Variants in SHROOM3 observed in about 807,000 individuals in gnomAD.
SHROOM3 encodes protein Shroom3.
Under a neutral mutation model 138.6 loss-of-function variants are expected in SHROOM3, and 47 were observed. The ratio of observed to expected loss-of-function variants is 0.34; its 90% CI spans 0.27 to 0.43. The LOEUF is 0.43. SHROOM3 is among the 20% of genes least tolerant of loss of function. The probability of loss-of-function intolerance (pLI) is 1.00; values close to 1 mark genes in which losing one functional copy is unlikely to be tolerated. For missense variants in SHROOM3, 2,491 were observed against 2,596.5 expected (o/e 0.96, Z 0.88); for synonymous variants, 1,062 against 1,063.3 (o/e 1.00, Z 0.02).
chr4:76,594,956 A>G (rs921767006), intron 2 of SHROOM3, among the ~76,000 whole-genome samples: 4 of 152,244 alleles, frequency 2.6e-5, no homozygotes, highest in African/African-American at 7.2e-5. Context: ...ATCCAACTAT[A>G]GGAAGCCAGG....
intron 9 of SHROOM3, among the ~76,000 whole-genome samples, chr4:76,760,166 T>C (rs888649708): frequency 1.3e-5 from 2 of 152,216 alleles, no homozygotes; most frequent in Non-Finnish European, 2.9e-5. Flanking sequence ...GAAAAAGTAA[T>C]ATTAACCTTT....
rs1722755246 is a variant in SHROOM3, at chr4:76,782,363, G to A, written c.*3186G>A. The stretch of plus-strand genomic sequence containing the variant: ...GTGGCTGTCTTTTAAGGTGAGGAGT[G>A]TGGGCTTAACTGAGGTCCTTTGAGG... On this transcript the variant is annotated 3_prime_UTR_variant, in exon 11 of 11. Transcript: ENST00000296043. 6.6e-6 allele frequency: 1 copy of A among 152,218 alleles called. No individual in the cohort carries two copies. The highest frequency in any genetic ancestry group is 6.5e-5 in the Admixed American group (1 of 15,282). 9.4% of individuals were successfully genotyped at this position (152,218 alleles called of 1,614,324 possible).
Position 76,740,120 on chromosome 4 carries a change from G to C in SHROOM3, c.1947G>C (p.Gln649His). The change falls in exon 5 of 11, where the codon CAG (glutamine) becomes CAC (histidine). Residue 649 changes from glutamine (Q) to histidine (H), a missense_variant. Physicochemically the swap from Gln to His is conservative, Grantham distance 24. This residue lies in a region of SHROOM3 where 1,733 missense variants were observed against 1,661.6 expected (regional missense o/e 1.04). Coordinates refer to ENST00000296043, the MANE Select transcript of SHROOM3 (RefSeq NM_020859.4). The surrounding 1 kb of genome is among the most constrained non-coding windows in gnomAD (Gnocchi z 4.0). ...WRRLEREGLGQSLSGNFGKTK... is the reference protein window; with the variant it reads ...WRRLEREGLGHSLSGNFGKTK... ...GGCTGGAGAGAGAAGGCCTAGGCCA[G>C]AGCCTGTCAGGCAACTTTGGCAAGA... is the stretch of plus-strand genomic sequence containing the variant. 1 of 1,613,800 alleles carries C rather than the reference G, an allele frequency of 6.2e-7. No homozygotes were observed. The highest frequency in any genetic ancestry group is 1.1e-5 in the South Asian group (1 of 91,086).
rs757874741 is a variant in SHROOM3, at chr4:76,742,003, C to T, written c.3753+77C>T. ...GCTTTAGTGGGGCTCCCCAACCCCC[C>T]ACACTCTCACCCGCTCTCCCAGTTC... On this transcript the variant is annotated intron_variant, in intron 5 of 10. Coordinates refer to ENST00000296043, the MANE Select transcript of SHROOM3 (RefSeq NM_020859.4). 5 of 1,535,508 alleles carry T rather than the reference C, an allele frequency of 3.3e-6. No homozygotes were observed. In the African/African-American group the frequency reaches 4.1e-5, roughly 13 times the overall value.
intron 2 of SHROOM3, among the ~76,000 whole-genome samples, chr4:76,699,020 T>C (rs1205829892): frequency 6.6e-6 from 1 of 152,196 alleles, no homozygotes; most frequent in Non-Finnish European, 1.5e-5. Context: ...CATGGTGACT[T>C]TCCACATCCA....
At chr4:76,633,296 G>A (rs1226233985) in intron 2 of SHROOM3, among the ~76,000 whole-genome samples, 1 of 135,386 alleles carries the variant, frequency 7.4e-6, no homozygotes, top group African/African-American at 2.8e-5. Flanking sequence ...GAGGGACACT[G>A]CACTCCAGCC....
intron 2 of SHROOM3, among the ~76,000 whole-genome samples, chr4:76,564,349 A>C (rs1354703643): frequency 6.6e-6 from 1 of 152,218 alleles, no homozygotes. Context: ...AGGCAGCTGC[A>C]GTGGCCTCTG....
intron 1 of SHROOM3, among the ~76,000 whole-genome samples, chr4:76,463,942 G>A (rs935576428): frequency 6.6e-6 from 1 of 152,250 alleles, no homozygotes. Flanking sequence ...CAGGGGCGGA[G>A]CCCTTATGGA....
chr4:76,734,733 C>A (rs190661785), intron 4 of SHROOM3, among the ~76,000 whole-genome samples: 1 of 152,158 alleles, frequency 6.6e-6, no homozygotes, highest in Non-Finnish European at 1.5e-5. Context: ...TATAAAAATA[C>A]ATACATCTAC....
At chr4:76,509,194 TA>T (rs1157587020) in intron 1 of SHROOM3, 8 of 151,930 alleles carry the variant, frequency 5.3e-5, no homozygotes, top group African/African-American at 1.9e-4. Flanking sequence ...GAAGCTATTA[TA>T]AATGGAATTT....
chr4:76,751,812 C>A (rs1002347090), intron 6 of SHROOM3, among the ~76,000 whole-genome samples: 1 of 152,250 alleles, frequency 6.6e-6, no homozygotes, highest in East Asian at 1.9e-4. Context: ...GAAAAACAAC[C>A]AGTGTTGGTG....
At chr4:76,446,579 A>G (rs566060476) in intron 1 of SHROOM3, among the ~76,000 whole-genome samples, 2 of 152,178 alleles carry the variant, frequency 1.3e-5, no homozygotes, top group Non-Finnish European at 2.9e-5. Context: ...AGGCCATGAA[A>G]AAACCTCAAC....
intron 2 of SHROOM3, among the ~76,000 whole-genome samples, chr4:76,658,028 T>C (rs1220602467): frequency 6.6e-6 from 1 of 152,224 alleles, no homozygotes. Flanking sequence ...CTCTGGACTT[T>C]TCCACATTGA....
intron 2 of SHROOM3, among the ~76,000 whole-genome samples, chr4:76,681,968 C>A (rs1254957946): frequency 6.6e-6 from 1 of 152,118 alleles, no homozygotes; most frequent in Admixed American, 6.6e-5. Flanking sequence ...GTGCCCTCAA[C>A]TCTCTGCTTC....
At chr4:76,674,525 CT>C (rs1204632412) in intron 2 of SHROOM3, among the ~76,000 whole-genome samples, 1 of 135,852 alleles carries the variant, frequency 7.4e-6, no homozygotes, top group Non-Finnish European at 1.6e-5. Context: ...CTCTCTTTCT[CT>C]TTCTTTCTTT....
intron 4 of SHROOM3, 36 bp from the exon 5 acceptor site, chr4:76,738,725 A>G (rs1057208436): frequency 6.2e-7 from 1 of 1,611,228 alleles, no homozygotes; most frequent in Non-Finnish European, 8.5e-7. Context: ...AAATGATAAC[A>G]GCTCAGTGGT....
chr4:76,479,612 A>G (rs1459183996), intron 1 of SHROOM3, among the ~76,000 whole-genome samples: 1 of 152,180 alleles, frequency 6.6e-6, no homozygotes, highest in Non-Finnish European at 1.5e-5. Context: ...CAACATTCAA[A>G]TTCAGGAAAT....
At chr4:76,472,656 A>G (rs1731397825) in intron 1 of SHROOM3, among the ~76,000 whole-genome samples, 1 of 151,558 alleles carries the variant, frequency 6.6e-6, no homozygotes, top group South Asian at 2.1e-4. Flanking sequence ...AAAAAATTAT[A>G]TGGGATATTC....
At chr4:76,436,829 G>A (rs1383991636) in intron 1 of SHROOM3, among the ~76,000 whole-genome samples, 3 of 152,158 alleles carry the variant, frequency 2.0e-5, no homozygotes, top group Admixed American at 6.5e-5. Context: ...ATCTTTTGGT[G>A]TGGGTAGTCA....
Sources: gnomAD v4.1 joint callset for allele counts (sites outside exome capture counted in the v4.1 genomes callset) on GRCh38, gnomAD v4.1.1 for gene constraint, gnomAD v4.1.1 regional missense constraint, Gnocchi (gnomAD v3.1) non-coding constraint, MANE v1.5 for transcripts, NCBI Gene and HGNC (gene_info 2026-07-23, HGNC 2026-07-21) for gene names.